Variants in GABRG3 observed in about 807,000 individuals in gnomAD.
GABRG3 encodes the protein gamma-aminobutyric acid type A receptor subunit gamma3, also known as gamma-aminobutyric acid receptor subunit gamma-3.
GABRG3 carries 25 observed loss-of-function variants against 48.8 expected under a neutral mutation model. The ratio of observed to expected loss-of-function variants is 0.51; its 90% CI spans 0.37 to 0.72. GABRG3 has a LOEUF of 0.72. Among genes scored for constraint, GABRG3 ranks in the 30% least tolerant of loss-of-function variants. GABRG3 has a pLI of 0.00. For synonymous variants in GABRG3, 227 were observed against 217.6 expected, an observed-to-expected ratio of 1.04 and a Z score of -0.38; for missense variants, 394 against 577.9, an observed-to-expected ratio of 0.68 and a Z score of 3.26.
At chr15:27,444,376 T>C (rs1407818012) in intron 5 of GABRG3, among the ~76,000 whole-genome samples, 1 of 152,220 alleles carries the variant, frequency 6.6e-6, no homozygotes, top group Non-Finnish European at 1.5e-5. Context: ...CAAATTAAAA[T>C]ATTTAACCAC....
intron 5 of GABRG3, among the ~76,000 whole-genome samples, chr15:27,396,814 T>C (rs1223454437): frequency 1.3e-5 from 2 of 152,184 alleles, no homozygotes; most frequent in Non-Finnish European, 2.9e-5. Context: ...TCTTGATTCA[T>C]GTAACAAAAA....
chr15:27,368,669 C>G (rs1895293578), intron 5 of GABRG3, among the ~76,000 whole-genome samples: 1 of 152,192 alleles, frequency 6.6e-6, no homozygotes, highest in Non-Finnish European at 1.5e-5. Flanking sequence ...GGTGCAGTCA[C>G]TTCCTCAGGG....
In GABRG3 at chr15:27,532,903, G is replaced by T; in HGVS notation, c.*22G>T. ...CTAAGTGTTGCTCAGAGTGAAGAGT[G>T]AAGAGCATTTGGTACACACTTGACC... On this transcript the variant is annotated 3_prime_UTR_variant, in exon 10 of 10. Coordinates refer to ENST00000615808, the MANE Select transcript of GABRG3 (RefSeq NM_033223.5). 1 of 1,608,060 alleles carries T rather than the reference G, an allele frequency of 6.2e-7. No individual in the cohort carries two copies. Among genetic ancestry groups the T allele is most frequent in the Non-Finnish European group, 8.5e-7 (1 of 1,177,018 alleles).
intron 3 of GABRG3, among the ~76,000 whole-genome samples, chr15:27,137,199 C>T (rs561984100): frequency 2.0e-5 from 3 of 152,310 alleles, no homozygotes; most frequent in East Asian, 1.9e-4. Flanking sequence ...CACACTCCCA[C>T]GGTTAGTCTT....
chr15:27,316,904 T>G (rs890656301), intron 3 of GABRG3, among the ~76,000 whole-genome samples: 1 of 152,216 alleles, frequency 6.6e-6, no homozygotes, highest in Admixed American at 6.5e-5. Flanking sequence ...ATCTGAAAAT[T>G]TTAGTGAGAG....
At chr15:27,422,143 A>G (rs998585838) in intron 5 of GABRG3, among the ~76,000 whole-genome samples, 1 of 150,194 alleles carries the variant, frequency 6.7e-6, no homozygotes, top group African/African-American at 2.5e-5. Flanking sequence ...TGGGTGTTCT[A>G]AGATATCCAG....
rs535295684 is a variant in GABRG3 at position 27,348,155 on chromosome 15, C to CAAAAA, written c.574+19270_574+19271insAAAAA. On this transcript the variant is annotated intron_variant, in intron 5 of 9. Transcript: ENST00000615808. ...TGGGTGACAGAGCGAGACTCCATCT[C>CAAAAA]AAATAAATAAAGAGTTGGAGATTTT... Among the ~76,000 whole-genome samples the CAAAAA allele has an allele frequency of 2.3e-4, 24 of 102,980 alleles. 4 individuals are homozygous for CAAAAA. The highest frequency in any genetic ancestry group is 3.6e-4 in the Admixed American group (3 of 8,420). The allele number at this position is 102,980 out of a possible 152,430, so 67.6% of individuals were successfully genotyped here.
intron 6 of GABRG3, among the ~76,000 whole-genome samples, chr15:27,501,941 A>C (rs1011180183): frequency 4.6e-5 from 7 of 152,138 alleles, no homozygotes; most frequent in Non-Finnish European, 8.8e-5. Flanking sequence ...TGAGTCTTGC[A>C]TACCCATGTT....
At chr15:27,233,262 G>A (rs190655100) in intron 3 of GABRG3, among the ~76,000 whole-genome samples, 8 of 152,314 alleles carry the variant, frequency 5.3e-5, no homozygotes, top group Admixed American at 1.3e-4. Context: ...GTTTTATTTC[G>A]TGGAACCTTT....
intron 5 of GABRG3, among the ~76,000 whole-genome samples, chr15:27,426,188 A>G (rs1250173563): frequency 6.6e-6 from 1 of 152,184 alleles, no homozygotes; most frequent in Non-Finnish European, 1.5e-5. Flanking sequence ...TCCCCACAGA[A>G]AGAGAAGAGC....
Position 27,236,972 on chromosome 15 carries a change from G to A in GABRG3, c.271-89837G>A, listed in dbSNP as rs900759398. ...CTTGTGCTGGAGGTTATGCTTCCCA[G>A]CCTGCAGGACGGCCACCCGTATGAA... On this transcript the variant is annotated intron_variant, in intron 3 of 9. Transcript: ENST00000615808. This position sits in a 1 kb window ranked among gnomAD's most constrained non-coding sequence, Gnocchi z 4.4. 3.9e-5 allele frequency among the ~76,000 whole-genome samples: 6 copies of A among 152,190 alleles called. No individual in the cohort carries two copies. Among genetic ancestry groups the A allele is most frequent in the Non-Finnish European group, 8.8e-5 (6 of 68,048 alleles).
intron 3 of GABRG3, among the ~76,000 whole-genome samples, chr15:27,046,271 T>TG (rs1566919274): frequency 6.6e-6 from 1 of 151,530 alleles, no homozygotes; most frequent in Non-Finnish European, 1.5e-5. Context: ...TTTTTTTTTT[T>TG]TTTTTGTATT....
At chr15:27,097,914 AT>A (rs536456926) in intron 3 of GABRG3, among the ~76,000 whole-genome samples, 1 of 150,590 alleles carries the variant, frequency 6.6e-6, no homozygotes, top group Non-Finnish European at 1.5e-5. Context: ...TTATTAGCTA[AT>A]TTTTTTCTTC....
chr15:27,274,368 G>A (rs550660341), intron 3 of GABRG3, among the ~76,000 whole-genome samples: 124 of 152,284 alleles, frequency 8.1e-4, no homozygotes, highest in Non-Finnish European at 1.2e-3. Context: ...TCGAGGGTAT[G>A]GTCCTGGCTT....
intron 2 of GABRG3, among the ~76,000 whole-genome samples, chr15:26,998,562 C>G (rs1213702914): frequency 6.6e-6 from 1 of 152,150 alleles, no homozygotes; most frequent in Non-Finnish European, 1.5e-5. Context: ...AATAAACTCC[C>G]CCTAACTATG....
intron 3 of GABRG3, among the ~76,000 whole-genome samples, chr15:27,146,101 A>G (rs957424886): frequency 6.6e-6 from 1 of 152,180 alleles, no homozygotes; most frequent in South Asian, 2.1e-4. Flanking sequence ...TGCAAGAAAT[A>G]CTAAAGAGGG....
rs762165930 is a variant in GABRG3, at chr15:27,429,886, A to G, written c.575-50764A>G. ...ATAAATAATGTTGCTGTGAAAATTC[A>G]TGTGCAGGTTTTGATTATTTATTTA... On this transcript the variant is annotated intron_variant, in intron 5 of 9. Coordinates refer to ENST00000615808, the MANE Select transcript of GABRG3 (RefSeq NM_033223.5). 2.6e-5 allele frequency among the ~76,000 whole-genome samples: 4 copies of G among 152,178 alleles called. No individual in the cohort carries two copies. The East Asian group carries it at 7.7e-4, about 29-fold the overall frequency.
chr15:27,434,668 A>C (rs965320364), intron 5 of GABRG3, among the ~76,000 whole-genome samples: 3 of 152,202 alleles, frequency 2.0e-5, no homozygotes, highest in African/African-American at 7.2e-5. Flanking sequence ...GTCCCTTCAT[A>C]TTCCATCAGA....
intron 3 of GABRG3, among the ~76,000 whole-genome samples, chr15:27,273,277 G>A (rs1314756962): frequency 6.6e-6 from 1 of 152,114 alleles, no homozygotes; most frequent in African/African-American, 2.4e-5. Context: ...TATAAATTTT[G>A]TCAATAAGGT....
Sources: allele counts gnomAD v4.1 joint callset (sites outside exome capture counted in the v4.1 genomes callset), GRCh38; gene constraint gnomAD v4.1.1; non-coding constraint Gnocchi (gnomAD v3.1); transcripts MANE v1.5; gene names NCBI Gene and HGNC (gene_info 2026-07-23, HGNC 2026-07-21).